Variants in MMP26 observed in about 807,000 individuals in gnomAD.
MMP26 encodes matrix metallopeptidase 26.
A neutral mutation model predicts 31.0 loss-of-function variants in MMP26; 33 were observed. That is an observed-to-expected ratio of 1.06 (90% CI 0.81 to 1.42). The LOEUF (loss-of-function observed/expected upper bound fraction) is 1.42. Among genes scored for constraint, MMP26 ranks in the 40% most tolerant of loss-of-function variants. MMP26 has a pLI of 0.00. For missense variants in MMP26, 347 were observed against 316.1 expected (o/e 1.10, Z -0.74); for synonymous variants, 122 against 114.9 (o/e 1.06, Z -0.40).
intron 1 of MMP26, among the ~76,000 whole-genome samples, chr11:4,737,894 G>A (rs967546471): frequency 2.0e-5 from 3 of 152,206 alleles, no homozygotes; most frequent in African/African-American, 4.8e-5. Flanking sequence ...ACTGCATGGT[G>A]CAATCATGGC....
At chr11:4,989,591 T>A in intron 3 of MMP26, 57 bp from the exon 4 acceptor site, 1 of 1,415,714 alleles carries the variant, frequency 7.1e-7, no homozygotes, top group Admixed American at 1.9e-5. Flanking sequence ...CCAGGGTAAC[T>A]GATATATGGG....
chr11:4,909,731 T>C (rs1036011734), intron 2 of MMP26, among the ~76,000 whole-genome samples: 1 of 152,184 alleles, frequency 6.6e-6, no homozygotes, highest in Non-Finnish European at 1.5e-5. Flanking sequence ...GTCATAGCTA[T>C]TTGAAAGATC....
chr11:4,742,769 A>G (rs1589888608), intron 1 of MMP26, among the ~76,000 whole-genome samples: 1 of 152,274 alleles, frequency 6.6e-6, no homozygotes, highest in African/African-American at 2.4e-5. Flanking sequence ...TAAATTGGAG[A>G]TGATAATAGT....
At chr11:4,943,535 T>G (rs948522776) in intron 2 of MMP26, 7 of 455,668 alleles carry the variant, frequency 1.5e-5, no homozygotes, top group Non-Finnish European at 3.1e-5. Context: ...ATAATTCTTT[T>G]GGGTAAGGGC....
intron 2 of MMP26, among the ~76,000 whole-genome samples, chr11:4,891,620 A>G (rs1451945885): frequency 6.6e-6 from 1 of 152,228 alleles, no homozygotes; most frequent in Non-Finnish European, 1.5e-5. Context: ...AACAAATGCC[A>G]TGTATGATTG....
intron 2 of MMP26, among the ~76,000 whole-genome samples, chr11:4,971,698 T>C (rs1167908431): frequency 6.6e-6 from 1 of 152,176 alleles, no homozygotes; most frequent in Non-Finnish European, 1.5e-5. Flanking sequence ...AGGTACTTTA[T>C]AGCAAAATGG....
At chr11:4,950,528 G>A (rs7927583) in intron 2 of MMP26, among the ~76,000 whole-genome samples, 85,944 of 116,716 alleles carry the variant, frequency 0.74, 37,158 homozygotes, top group Middle Eastern at 0.87. Context: ...GATGGGGATG[G>A]GGGGAGTCTG....
intron 2 of MMP26, chr11:4,973,151 TG>T: frequency 4.8e-6 from 1 of 207,806 alleles, no homozygotes. Flanking sequence ...AGCACAGATG[TG>T]GGAAACACAT....
intron 2 of MMP26, among the ~76,000 whole-genome samples, chr11:4,770,223 T>C (rs1219679818): frequency 6.6e-6 from 1 of 152,200 alleles, no homozygotes; most frequent in Non-Finnish European, 1.5e-5. Context: ...ATGCATCATA[T>C]TGTAAGATTA....
intron 2 of MMP26, among the ~76,000 whole-genome samples, chr11:4,829,998 A>G (rs1480725322): frequency 2.0e-5 from 3 of 152,228 alleles, no homozygotes; most frequent in Admixed American, 2.0e-4. Context: ...CTCACTTAAG[A>G]GAGCTCATTA....
In MMP26 at chr11:4,934,846, T is replaced by G. The variant is rs775601222; in HGVS notation, c.-144-53222T>G. Among the ~76,000 whole-genome samples, 346 of 151,248 alleles carry G rather than the reference T, an allele frequency of 2.3e-3. 4 individuals are homozygous for G. The highest frequency in any genetic ancestry group is 4.0e-3 in the Non-Finnish European group (273 of 67,628). On this transcript the variant is annotated intron_variant, in intron 2 of 7. Coordinates refer to ENST00000380390, the MANE Select transcript of MMP26 (RefSeq NM_021801.5). ...ATTAAATAGGGAATCCTTTCCCCAT[T>G]GCTTGTTTTTCTCAGGTTTGTCAAA...
At chr11:4,713,948 A>G (rs915644658) in intron 1 of MMP26, among the ~76,000 whole-genome samples, 1 of 152,152 alleles carries the variant, frequency 6.6e-6, no homozygotes, top group African/African-American at 2.4e-5. Flanking sequence ...AAGTAGAATG[A>G]GCCCTTGGGA....
At chr11:4,950,017 A>T (rs11034855) in intron 2 of MMP26, among the ~76,000 whole-genome samples, 38,554 of 121,412 alleles carry the variant, frequency 0.32, 13,017 homozygotes, top group South Asian at 0.53. Flanking sequence ...AAAAGTTGTG[A>T]TATTCAGGTT....
intron 2 of MMP26, among the ~76,000 whole-genome samples, chr11:4,829,228 G>A (rs760789076): frequency 3.9e-5 from 6 of 152,154 alleles, no homozygotes; most frequent in Non-Finnish European, 8.8e-5. Flanking sequence ...CTTCAGCGGT[G>A]TTAAGCCAAC....
chr11:4,752,014 T>C (rs1369681245), intron 1 of MMP26: 1 of 152,162 alleles, frequency 6.6e-6, no homozygotes, highest in Non-Finnish European at 1.5e-5. Context: ...AATAAGCCTT[T>C]ATAGGAGTAG....
intron 2 of MMP26, among the ~76,000 whole-genome samples, chr11:4,867,493 C>G (rs1299945314): frequency 2.0e-5 from 3 of 147,776 alleles, no homozygotes; most frequent in Middle Eastern, 3.8e-3. Flanking sequence ...CAGGTTCAAG[C>G]AATTCTCCTG....
chr11:4,988,124 T>C lies in MMP26; in HGVS notation c.-88T>C. 3 of 1,146,914 alleles carry C rather than the reference T, an allele frequency of 2.6e-6. No individual in the cohort carries two copies. The highest frequency in any genetic ancestry group is 4.0e-6 in the Non-Finnish European group (3 of 754,818). The allele number at this position is 1,146,914 out of a possible 1,614,324, so 71.0% of individuals were successfully genotyped here. ...AGAAAGGGCAAACTGGCAGAGTGAG[T>C]CATTGGATGTTGCTGGCACAGCTAT... is the stretch of plus-strand genomic sequence containing the variant. On this transcript the variant is annotated 5_prime_UTR_variant, in exon 3 of 8. Transcript: ENST00000380390.
intron 2 of MMP26, among the ~76,000 whole-genome samples, chr11:4,768,687 C>T (rs1485150593): frequency 6.6e-6 from 1 of 152,126 alleles, no homozygotes; most frequent in Non-Finnish European, 1.5e-5. Flanking sequence ...TGGAATATGT[C>T]TTAAAAGCAG....
At chr11:4,754,762 T>C (rs1848486399) in intron 1 of MMP26, among the ~76,000 whole-genome samples, 1 of 151,994 alleles carries the variant, frequency 6.6e-6, no homozygotes. Context: ...ACAATGGATT[T>C]TATATATTCA....
Sources: allele counts gnomAD v4.1 joint callset (sites outside exome capture counted in the v4.1 genomes callset), GRCh38; gene constraint gnomAD v4.1.1; transcripts MANE v1.5; gene names NCBI Gene and HGNC (gene_info 2026-07-23, HGNC 2026-07-21).